The following TOP1 variants were observed in gnomAD, a reference collection of about 807,000 sequenced individuals.
The protein encoded by TOP1 is DNA topoisomerase I.
TOP1 carries 10 observed loss-of-function variants against 111.1 expected under a neutral mutation model. The ratio of observed to expected loss-of-function variants is 0.09; its 90% CI spans 0.06 to 0.15. TOP1 has a LOEUF of 0.15. TOP1 is among the 10% of genes least tolerant of loss of function. TOP1 has a pLI of 1.00. For missense variants in TOP1, 474 were observed against 926.7 expected (o/e 0.51, Z 6.34); for synonymous variants, 271 against 302.9 (o/e 0.89, Z 1.10).
chr20:41,084,494 T>C lies in TOP1; in HGVS notation c.540T>C (p.Asp180=). ...DGKLKKPKNK[D]KDKKVPEPDN... ...AATTGAAAAAACCCAAGAATAAAGA[T>C]AAAGATAAAAAAGTTCCTGAGCCAG... Residue 180 remains aspartate (D), a synonymous_variant, in exon 8 of 21, where the codon GAT becomes GAC. Transcript: ENST00000361337. 1 of 1,572,956 alleles carries C rather than the reference T, an allele frequency of 6.4e-7. No individual in the cohort carries two copies. The highest frequency in any genetic ancestry group is 8.6e-7 in the Non-Finnish European group (1 of 1,158,748).
At chr20:41,045,303 A>C (rs923664026) in intron 2 of TOP1, among the ~76,000 whole-genome samples, 5 of 152,166 alleles carry the variant, frequency 3.3e-5, no homozygotes, top group African/African-American at 1.2e-4. Context: ...AAAAATCCAA[A>C]GACACGTGTG....
intron 2 of TOP1, among the ~76,000 whole-genome samples, chr20:41,037,039 C>G (rs938929853): frequency 3.3e-5 from 5 of 151,992 alleles, no homozygotes; most frequent in Non-Finnish European, 7.4e-5. Flanking sequence ...ACCGTGTTAG[C>G]CAGGATGGTC....
chr20:41,036,678 ATG>A (rs1284803382), intron 2 of TOP1, among the ~76,000 whole-genome samples: 1 of 116,032 alleles, frequency 8.6e-6, no homozygotes, highest in Non-Finnish European at 2.1e-5. Context: ...GAATTGTAAC[ATG>A]TAACTAGTGT....
intron 18 of TOP1, among the ~76,000 whole-genome samples, chr20:41,120,240 A>G (rs2034400453): frequency 8.5e-5 from 13 of 152,264 alleles, no homozygotes; most frequent in Admixed American, 8.5e-4. Context: ...TTTTGTATAT[A>G]GAATCAGTCC....
intron 3 of TOP1, among the ~76,000 whole-genome samples, chr20:41,075,432 A>T (rs1178691355): frequency 6.6e-6 from 1 of 152,180 alleles, no homozygotes; most frequent in Non-Finnish European, 1.5e-5. Flanking sequence ...CGGCCTTCCA[A>T]AGTGCTGGGA....
chr20:41,098,588 C>T lies in TOP1; in HGVS notation c.975+251C>T, dbSNP rs61548136. The T allele has an allele frequency of 1.7e-3, 658 of 382,864 alleles. 3 individuals are homozygous for T. The highest frequency in any genetic ancestry group is 0.013 in the African/African-American group (601 of 47,398). 23.7% of individuals were successfully genotyped at this position (382,864 alleles called of 1,614,324 possible). A position where few individuals can be genotyped will look rare whatever the true frequency, so the allele number is the denominator to read the frequency against. On this transcript the variant is annotated intron_variant, in intron 11 of 20. Coordinates refer to ENST00000361337, the MANE Select transcript of TOP1 (RefSeq NM_003286.4). This position sits in a 1 kb window ranked among gnomAD's most constrained non-coding sequence, Gnocchi z 5.7. ...CAGTGACCTAAAAACCAGTCAGTAA[C>T]TCCAGCCAATAATATAGTAATTAAG...
intron 13 of TOP1, among the ~76,000 whole-genome samples, chr20:41,104,815 A>G (rs2034120245): frequency 6.6e-6 from 1 of 152,252 alleles, no homozygotes; most frequent in South Asian, 2.1e-4. Context: ...TGTACTCAGC[A>G]GAATAGTGAG....
intron 8 of TOP1, among the ~76,000 whole-genome samples, chr20:41,088,135 AGTT>A: frequency 6.6e-6 from 1 of 152,222 alleles, no homozygotes; most frequent in East Asian, 1.9e-4. Context: ...ATGGTAAAGA[AGTT>A]GCTGTGGGTC....
chr20:41,102,781 AAT>A lies in TOP1; in HGVS notation c.1308+1430_1308+1431del, dbSNP rs1295263299. Among the ~76,000 whole-genome samples the A allele has an allele frequency of 2.6e-5, 4 of 152,316 alleles. No individual in the cohort carries two copies. Among genetic ancestry groups the A allele is most frequent in the African/African-American group, 9.6e-5 (4 of 41,568 alleles). On this transcript the variant is annotated intron_variant, in intron 13 of 20. Coordinates refer to ENST00000361337, the MANE Select transcript of TOP1 (RefSeq NM_003286.4). This position sits in a 1 kb window ranked among gnomAD's most constrained non-coding sequence, Gnocchi z 4.0. ...TATATGGCTACAAAAGCAGAAAAATAATAGTTTTAGCCCTTAAGGAACTTATA... is the reference window on the plus strand; with the variant it reads ...TATATGGCTACAAAAGCAGAAAAATAAGTTTTAGCCCTTAAGGAACTTATA...
intron 2 of TOP1, among the ~76,000 whole-genome samples, chr20:41,056,982 C>T (rs555719239): frequency 1.9e-4 from 29 of 152,174 alleles, no homozygotes; most frequent in Middle Eastern, 3.4e-3. Flanking sequence ...AAAATGTGGC[C>T]GGGCGCAGTG....
At position 41,078,931 on chromosome 20, in the gene TOP1, C is replaced by G. The variant is rs1300754206; in HGVS notation, c.336-1154C>G. On this transcript the variant is annotated intron_variant, in intron 5 of 20. Coordinates refer to ENST00000361337, the MANE Select transcript of TOP1 (RefSeq NM_003286.4). This position sits in a 1 kb window ranked among gnomAD's most constrained non-coding sequence, Gnocchi z 5.3. The stretch of plus-strand genomic sequence containing the variant: ...CTTCAGACCTAAGTAACCCTTCCCA[C>G]AGTTTTTGTCTTCAGTGTGACAAAC... Among the ~76,000 whole-genome samples, 1 of 152,182 alleles carries G rather than the reference C, an allele frequency of 6.6e-6. No individual in the cohort carries two copies. The highest frequency in any genetic ancestry group is 1.5e-5 in the Non-Finnish European group (1 of 68,036).
At position 41,063,042 on chromosome 20, in the gene TOP1, C is replaced by T. The variant is rs1177176952; in HGVS notation, c.155+1552C>T. 3.9e-5 allele frequency among the ~76,000 whole-genome samples: 6 copies of T among 152,162 alleles called. No homozygotes were observed. In the East Asian group the frequency reaches 9.6e-4, roughly 24 times the overall value. On this transcript the variant is annotated intron_variant, in intron 3 of 20. Transcript: ENST00000361337. Reference sequence around the variant, plus strand: ...GGTTTGGGTACAAATGATCCTGTCACCCAGGTACTGAGCATAGAACCCAAC... The same window carrying T: ...GGTTTGGGTACAAATGATCCTGTCATCCAGGTACTGAGCATAGAACCCAAC...
intron 4 of TOP1, among the ~76,000 whole-genome samples, 155 bp downstream of exon 4, chr20:41,076,449 A>G (rs966782678): frequency 6.6e-6 from 1 of 152,230 alleles, no homozygotes; most frequent in Non-Finnish European, 1.5e-5. Flanking sequence ...TTAAACTATA[A>G]AAACTAAGCC....
At chr20:41,068,645 T>C (rs1015553132) in intron 3 of TOP1, among the ~76,000 whole-genome samples, 2 of 152,160 alleles carry the variant, frequency 1.3e-5, no homozygotes, top group African/African-American at 2.4e-5. Flanking sequence ...GGCTCCCACA[T>C]TGGCATCCCA....
At chr20:41,035,525 G>C (rs560639512) in intron 2 of TOP1, among the ~76,000 whole-genome samples, 3 of 152,272 alleles carry the variant, frequency 2.0e-5, no homozygotes, top group South Asian at 2.1e-4. Flanking sequence ...ATTTGTTGTT[G>C]TAAATGATGA....
At chr20:41,041,762 G>A (rs773169118) in intron 2 of TOP1, among the ~76,000 whole-genome samples, 1 of 152,124 alleles carries the variant, frequency 6.6e-6, no homozygotes, top group African/African-American at 2.4e-5. Context: ...ACTAATGCAG[G>A]TGACCCATAA....
intron 8 of TOP1, among the ~76,000 whole-genome samples, chr20:41,089,020 C>CTTTTTTTTTTTGTTTTTTT: frequency 1.3e-5 from 1 of 77,896 alleles, no homozygotes; most frequent in Admixed American, 1.7e-4. Flanking sequence ...TGCCCCAGTT[C>CTTTTTTTTTTTGTTTTTTT]TTTTTTTTTT....
chr20:41,087,139 C>A (rs2033859184), intron 8 of TOP1, among the ~76,000 whole-genome samples: 1 of 152,214 alleles, frequency 6.6e-6, no homozygotes, highest in African/African-American at 2.4e-5. Flanking sequence ...AAACCACTTA[C>A]TCTGATCTTT....
rs775611431 is a variant in TOP1, at chr20:41,112,973, G to A, written c.1452+48G>A. On this transcript the variant is annotated intron_variant, in intron 14 of 20. Transcript: ENST00000361337. The surrounding 1 kb of genome is among the most constrained non-coding windows in gnomAD (Gnocchi z 5.8). ...ATTGTCTAGTGTTGAGCTTAACAAA[G>A]GGAGTTTCTGCTCTGCCCCAGGCCC... The A allele has an allele frequency of 1.8e-5, 28 of 1,590,328 alleles. No individual in the cohort carries two copies. Among genetic ancestry groups the A allele is most frequent in the Non-Finnish European group, 2.3e-5 (27 of 1,166,720 alleles).
Sources: allele counts gnomAD v4.1 joint callset (sites outside exome capture counted in the v4.1 genomes callset), GRCh38; gene constraint gnomAD v4.1.1; non-coding constraint Gnocchi (gnomAD v3.1); transcripts MANE v1.5; gene names NCBI Gene and HGNC (gene_info 2026-07-23, HGNC 2026-07-21).